Variants in WDR72 observed in about 807,000 individuals in gnomAD.
WDR72 encodes WD repeat domain 72.
A neutral mutation model predicts 124.2 loss-of-function variants in WDR72; 120 were observed. The observed-to-expected ratio is 0.97, with a 90% CI of 0.83 to 1.12. The LOEUF (loss-of-function observed/expected upper bound fraction) is 1.12, where lower values mean the gene tolerates loss of function less well. WDR72 is among the 50% of genes most tolerant of loss of function. The pLI, the probability that WDR72 is intolerant of heterozygous loss-of-function variation, is 0.00. For missense variants in WDR72, 1,387 were observed against 1,278.8 expected (o/e 1.08, Z -1.29); for synonymous variants, 452 against 441.7 (o/e 1.02, Z -0.29).
chr15:53,627,131 A>G (rs1301821749), intron 14 of WDR72, among the ~76,000 whole-genome samples: 2 of 152,250 alleles, frequency 1.3e-5, no homozygotes, highest in African/African-American at 2.4e-5. Context: ...TCTGGCAAAT[A>G]GCCCAACCAA....
At position 53,710,939 on chromosome 15, in the gene WDR72, C is replaced by T. The variant is rs374482757; in HGVS notation, c.872G>A (p.Ser291Asn). 7 of 1,613,532 alleles carry T rather than the reference C, an allele frequency of 4.3e-6. No individual in the cohort carries two copies. In the African/African-American group the frequency reaches 8.0e-5, roughly 18 times the overall value. Residue 291 changes from serine (S) to asparagine (N), a missense_variant, in exon 9 of 20, where the codon AGC (serine) becomes AAC (asparagine). By Grantham distance (46) the Ser-to-Asn change is conservative. Coordinates refer to ENST00000360509, the MANE Select transcript of WDR72 (RefSeq NM_182758.4). ...YQLLNSGLSKSIYPADGRVLK... is the reference protein window; with the variant it reads ...YQLLNSGLSKNIYPADGRVLK... ...CACTCTTCCATCAGCAGGGTATATG[C>T]TTTTTGAAAGCCCACTGCGTGGCAA... is the stretch of plus-strand genomic sequence containing the variant.
intron 4 of WDR72, 144 bp from the exon 5 acceptor site, chr15:53,715,511 T>C (rs1187985892): frequency 2.6e-5 from 25 of 956,302 alleles, no homozygotes; most frequent in Middle Eastern, 2.6e-4. Flanking sequence ...TTTCTCTTAG[T>C]TCAGTTATTC....
chr15:53,630,767 A>C (rs2014394893), intron 14 of WDR72, among the ~76,000 whole-genome samples: 1 of 152,200 alleles, frequency 6.6e-6, no homozygotes, highest in African/African-American at 2.4e-5. Flanking sequence ...TTATGGTGAA[A>C]AACCAAATGC....
At chr15:53,573,363 T>C (rs541787245) in intron 18 of WDR72, among the ~76,000 whole-genome samples, 4 of 152,348 alleles carry the variant, frequency 2.6e-5, no homozygotes, top group African/African-American at 7.2e-5. Context: ...ATATTATACA[T>C]GTGCCTTTCT....
chr15:53,521,166 T>A (rs1009937469), intron 19 of WDR72, among the ~76,000 whole-genome samples: 4 of 152,050 alleles, frequency 2.6e-5, no homozygotes, highest in East Asian at 3.9e-4. Context: ...CAGAAAGAAA[T>A]CCTAAAACAA....
At chr15:53,674,888 T>A (rs1476069475) in intron 13 of WDR72, among the ~76,000 whole-genome samples, 1 of 151,720 alleles carries the variant, frequency 6.6e-6, no homozygotes, top group African/African-American at 2.4e-5. Context: ...CGTCTAATTC[T>A]GACCACAGAC....
chr15:53,760,579 G>A (rs1451144474), upstream of WDR72, among the ~76,000 whole-genome samples: 1 of 151,968 alleles, frequency 6.6e-6, no homozygotes, highest in East Asian at 1.9e-4. Flanking sequence ...TCCATTTATC[G>A]GTTGATGGAC....
chr15:53,751,025 C>G (rs1297429048), intron 1 of WDR72, among the ~76,000 whole-genome samples: 1 of 152,122 alleles, frequency 6.6e-6, no homozygotes. Flanking sequence ...GGTAAAGTAG[C>G]AGGGTTTAAA....
chr15:53,618,860 A>T (rs1457087733), intron 14 of WDR72, among the ~76,000 whole-genome samples: 1 of 151,966 alleles, frequency 6.6e-6, no homozygotes, highest in African/African-American at 2.4e-5. Flanking sequence ...TTATCCCCTT[A>T]TGGGACTCTG....
intron 13 of WDR72, among the ~76,000 whole-genome samples, chr15:53,685,802 G>T (rs374807180): frequency 1.4e-5 from 2 of 147,180 alleles, no homozygotes; most frequent in Non-Finnish European, 3.0e-5. Flanking sequence ...GTTAAGGGCA[G>T]CCAGAGAGAA....
At chr15:53,644,014 T>C (rs553880941) in intron 14 of WDR72, among the ~76,000 whole-genome samples, 2 of 152,308 alleles carry the variant, frequency 1.3e-5, no homozygotes, top group Admixed American at 6.5e-5. Flanking sequence ...TAGTGTTTAA[T>C]TGTAAATGCC....
chr15:53,684,368 G>A (rs4611400), intron 13 of WDR72: 89,802 of 153,000 alleles, frequency 0.59, 27,282 homozygotes, highest in East Asian at 0.82. Context: ...TGCATGAGCC[G>A]AAGCAGGGCG....
At chr15:53,576,676 A>C (rs1485906993) in intron 18 of WDR72, among the ~76,000 whole-genome samples, 2 of 152,144 alleles carry the variant, frequency 1.3e-5, no homozygotes, top group Non-Finnish European at 2.9e-5. Context: ...TGAAAAACTC[A>C]GATTCCTATG....
At chr15:53,671,900 C>T (rs1379044041) in intron 13 of WDR72, among the ~76,000 whole-genome samples, 1 of 144,506 alleles carries the variant, frequency 6.9e-6, no homozygotes, top group African/African-American at 2.6e-5. Flanking sequence ...CAGAGAGAGA[C>T]AGAAATGGAG....
chr15:53,583,885 A>C (rs909829246), intron 18 of WDR72, among the ~76,000 whole-genome samples: 3 of 152,028 alleles, frequency 2.0e-5, no homozygotes, highest in South Asian at 2.1e-4. Flanking sequence ...TATTCATTGA[A>C]TATTAATATA....
intron 18 of WDR72, among the ~76,000 whole-genome samples, chr15:53,556,831 C>A (rs1009736205): frequency 6.6e-6 from 1 of 152,006 alleles, no homozygotes; most frequent in Non-Finnish European, 1.5e-5. Context: ...ATGAGTATAG[C>A]GCATGCTGAG....
At chr15:53,611,871 C>T (rs76898432) in intron 16 of WDR72, among the ~76,000 whole-genome samples, 6,570 of 152,082 alleles carry the variant, frequency 0.043, 180 homozygotes, top group Non-Finnish European at 0.055. Context: ...TAATTGGAAG[C>T]TAATAATAAA....
intron 18 of WDR72, among the ~76,000 whole-genome samples, chr15:53,556,275 A>T (rs4774666): frequency 0.48 from 73,203 of 151,996 alleles, 18,823 homozygotes; most frequent in Middle Eastern, 0.61. Context: ...AAAACCATTT[A>T]AACTTATCAG....
At position 53,654,026 on chromosome 15, in the gene WDR72, T is replaced by C. The variant is rs557024625; in HGVS notation, c.1962+11546A>G. Reference sequence around the variant, plus strand: ...TCAACACAAAATTACCAGTGGATAGTAAAAATCAATTAGAGTTCTTTCCCA... The same window carrying C: ...TCAACACAAAATTACCAGTGGATAGCAAAAATCAATTAGAGTTCTTTCCCA... On this transcript the variant is annotated intron_variant, in intron 14 of 19. Transcript: ENST00000360509. 6.6e-5 allele frequency among the ~76,000 whole-genome samples: 10 copies of C among 152,316 alleles called. No individual in the cohort carries two copies. In the East Asian group the frequency reaches 1.9e-3, roughly 29 times the overall value.
Sources: gnomAD v4.1 joint callset for allele counts (sites outside exome capture counted in the v4.1 genomes callset) on GRCh38, gnomAD v4.1.1 for gene constraint, MANE v1.5 for transcripts, NCBI Gene and HGNC (gene_info 2026-07-23, HGNC 2026-07-21) for gene names.